The following ZNF384 variants were observed in gnomAD, a reference collection of about 807,000 sequenced individuals.
ZNF384 encodes the protein CAG repeat protein 1.
Under a neutral mutation model 65.0 loss-of-function variants are expected in ZNF384, and 20 were observed. That is an observed-to-expected ratio of 0.31 (90% CI 0.22 to 0.45). The LOEUF (loss-of-function observed/expected upper bound fraction) is 0.45, where lower values mean the gene tolerates loss of function less well. Among genes scored for constraint, ZNF384 ranks in the 20% least tolerant of loss-of-function variants. The pLI, the probability that ZNF384 is intolerant of heterozygous loss-of-function variation, is 1.00. For synonymous variants in ZNF384, 310 were observed against 303.9 expected (o/e 1.02, Z -0.21); for missense variants, 549 against 769.4 (o/e 0.71, Z 3.39).
rs748707496 is a variant in ZNF384, at chr12:6,666,945, A to G, written c.*769T>C. 39 of 208,912 alleles carry G rather than the reference A, an allele frequency of 1.9e-4. 1 individual carries two copies. Among genetic ancestry groups the G allele is most frequent in the Admixed American group, 4.7e-4 (8 of 16,936 alleles). 12.9% of individuals were successfully genotyped at this position (208,912 alleles called of 1,614,324 possible). A position where few individuals can be genotyped will look rare whatever the true frequency, so the allele number is the denominator to read the frequency against. On this transcript the variant is annotated 3_prime_UTR_variant, in exon 12 of 12. Coordinates refer to ENST00000683879, the MANE Select transcript of ZNF384 (RefSeq NM_001385745.1). ...ACCCCTGTTTTGGAGTTTCACAGATAACACAAAGCCTCCCACAGCTCCTTG... is the reference window on the plus strand; with the variant it reads ...ACCCCTGTTTTGGAGTTTCACAGATGACACAAAGCCTCCCACAGCTCCTTG...
chr12:6,679,285 G>A, intron 3 of ZNF384, 102 bp from the exon 4 acceptor site: 1 of 1,265,160 alleles, frequency 7.9e-7, no homozygotes. Context: ...TAGGGATCAA[G>A]GATGAGCACT....
chr12:6,686,923 G>GA (rs1267611565), intron 2 of ZNF384, among the ~76,000 whole-genome samples: 1 of 151,994 alleles, frequency 6.6e-6, no homozygotes, highest in East Asian at 1.9e-4. Flanking sequence ...GAAAAAGATG[G>GA]AAAAAAACAA....
chr12:6,678,146 T>C lies in ZNF384; in HGVS notation c.667A>G (p.Lys223Glu). 6.2e-7 allele frequency: 1 copy of C among 1,612,734 alleles called. No individual in the cohort carries two copies. The highest frequency in any genetic ancestry group is 8.5e-7 in the Non-Finnish European group (1 of 1,178,900). ...TCTTACCTGTAGGTCTTGCCGTCTT[T>C]CTGATGGTCATCATCATCCTCAGGG... The part of the protein sequence containing the change: ...LSPEDDDDHQ[K>E]DGKTYRSEGN... Residue 223 changes from lysine (K) to glutamate (E), a missense_variant, in exon 6 of 12, where the codon AAA (lysine) becomes GAA (glutamate). By Grantham distance (56) the Lys-to-Glu change is moderately conservative. Transcript: ENST00000683879. This position sits in a 1 kb window ranked among gnomAD's most constrained non-coding sequence, Gnocchi z 4.9.
intron 10 of ZNF384, 62 bp downstream of exon 10, chr12:6,670,698 A>G (rs1344754040): frequency 1.3e-5 from 20 of 1,485,530 alleles, no homozygotes; most frequent in Non-Finnish European, 1.8e-5. Context: ...GAGAACCACG[A>G]TACTATTCAA....
intron 2 of ZNF384, among the ~76,000 whole-genome samples, chr12:6,687,899 G>A (rs550489345): frequency 3.4e-4 from 51 of 152,230 alleles, no homozygotes; most frequent in African/African-American, 1.2e-3. Flanking sequence ...CTATTCAGTG[G>A]CTTCACCTGA....
chr12:6,677,100 C>T (rs1953939054), intron 7 of ZNF384, 67 bp downstream of exon 7: 2 of 431,086 alleles, frequency 4.6e-6, no homozygotes, highest in South Asian at 1.8e-5. Flanking sequence ...AAACGGGAGG[C>T]ATAAACAGAA....
chr12:6,687,812 A>C (rs956754679), intron 2 of ZNF384, among the ~76,000 whole-genome samples: 5 of 152,176 alleles, frequency 3.3e-5, no homozygotes, highest in African/African-American at 1.2e-4. Context: ...AAGCAATTCC[A>C]TAAGGACTAT....
chr12:6,676,655 C>T (rs186735052), intron 7 of ZNF384, among the ~76,000 whole-genome samples: 3 of 152,276 alleles, frequency 2.0e-5, no homozygotes, highest in Non-Finnish European at 4.4e-5. Flanking sequence ...GATGTATCTC[C>T]ATCTCACAAT....
At chr12:6,686,764 AAG>A (rs1425827979) in intron 2 of ZNF384, among the ~76,000 whole-genome samples, 3 of 152,242 alleles carry the variant, frequency 2.0e-5, no homozygotes, top group African/African-American at 7.2e-5. Flanking sequence ...TCCTGAAAAG[AAG>A]AGTTACAGAA....
At chr12:6,682,988 A>G (rs1028366063) in intron 2 of ZNF384, among the ~76,000 whole-genome samples, 12 of 152,192 alleles carry the variant, frequency 7.9e-5, no homozygotes, top group Non-Finnish European at 1.8e-4. Flanking sequence ...GTGGGAATTA[A>G]GTAGAGAATT....
In ZNF384 at chr12:6,673,736, A is replaced by G. The variant is rs890598703; in HGVS notation, c.780-296T>C. 6.6e-6 allele frequency among the ~76,000 whole-genome samples: 1 copy of G among 152,216 alleles called. No homozygotes were observed. Among genetic ancestry groups the G allele is most frequent in the Non-Finnish European group, 1.5e-5 (1 of 68,034 alleles). ...GGGCAGATGCGAATTTCAATGGGCC[A>G]GGAATATCAGTTAACTTGTTTGCCT... On this transcript the variant is annotated intron_variant, in intron 7 of 11. Coordinates refer to ENST00000683879, the MANE Select transcript of ZNF384 (RefSeq NM_001385745.1). This position sits in a 1 kb window ranked among gnomAD's most constrained non-coding sequence, Gnocchi z 4.7.
chr12:6,666,791 G>A lies in ZNF384; in HGVS notation c.*923C>T, dbSNP rs189431465. The A allele has an allele frequency of 1.2e-4, 20 of 171,738 alleles. No individual in the cohort carries two copies. The highest frequency in any genetic ancestry group is 2.0e-4 in the South Asian group (1 of 4,974). The allele number at this position is 171,738 out of a possible 1,614,324, so 10.6% of individuals were successfully genotyped here. Reference sequence around the variant, plus strand: ...AGAAATGGTTACAACAAAGATGGCCGTGATGAGTGAGTATAATATATTTAT... The same window carrying A: ...AGAAATGGTTACAACAAAGATGGCCATGATGAGTGAGTATAATATATTTAT... On this transcript the variant is annotated 3_prime_UTR_variant, in exon 12 of 12. Transcript: ENST00000683879.
chr12:6,677,802 G>C (rs74057082), intron 6 of ZNF384, among the ~76,000 whole-genome samples: 3,039 of 152,206 alleles, frequency 0.02, 119 homozygotes, highest in African/African-American at 0.07. Context: ...AAAGCAAAAA[G>C]GAGCTGCAGC....
chr12:6,684,030 G>T (rs1198569688), intron 2 of ZNF384, among the ~76,000 whole-genome samples: 1 of 151,878 alleles, frequency 6.6e-6, no homozygotes, highest in Non-Finnish European at 1.5e-5. Flanking sequence ...AAAAAAAACT[G>T]GTGGACAATA....
Position 6,678,726 on chromosome 12 carries a change from G to A in ZNF384, c.305-16C>T. On this transcript the variant is annotated splice_polypyrimidine_tract_variant and intron_variant, in intron 4 of 11. Coordinates refer to ENST00000683879, the MANE Select transcript of ZNF384 (RefSeq NM_001385745.1). This position sits in a 1 kb window ranked among gnomAD's most constrained non-coding sequence, Gnocchi z 4.9. ...CAGGAGACTCCTTGATTCAGAGAAG[G>A]AAAGAATGTCACCTCCTCAAAGGCA... 6.2e-7 allele frequency: 1 copy of A among 1,613,820 alleles called. No homozygotes were observed. The highest frequency in any genetic ancestry group is 8.5e-7 in the Non-Finnish European group (1 of 1,179,848).
chr12:6,679,139 C>T lies in ZNF384; in HGVS notation c.111G>A (p.Leu37=), dbSNP rs202146244. Residue 37 remains leucine, a synonymous_variant, in exon 4 of 12, where the codon TTG becomes TTA. Transcript: ENST00000683879. ...GGGCCAGACCACAGCCCTTCTCTGG[C>T]AACAGCTGATCCTTCATCTTGTTGA... The part of the protein sequence containing the change: ...MFINKMKDQL[L]PEKGCGLAPP... The T allele has an allele frequency of 2.7e-5, 44 of 1,604,842 alleles. No homozygotes were observed. Among genetic ancestry groups the T allele is most frequent in the Non-Finnish European group, 3.6e-5 (42 of 1,174,322 alleles).
chr12:6,668,505 C>G (rs1038719478), intron 11 of ZNF384, among the ~76,000 whole-genome samples: 1 of 151,950 alleles, frequency 6.6e-6, no homozygotes, highest in African/African-American at 2.4e-5. Flanking sequence ...GAGTTTGAGA[C>G]CAGCCTGGGC....
intron 10 of ZNF384, 30 bp from the exon 11 acceptor site, chr12:6,669,219 T>C (rs776864868): frequency 7.6e-6 from 12 of 1,582,252 alleles, no homozygotes; most frequent in Middle Eastern, 1.7e-4. Context: ...CCAGAATGAA[T>C]ACATTGTACT....
At position 6,667,957 on chromosome 12, in the gene ZNF384, G is replaced by A. The variant is rs1156799215; in HGVS notation, c.1584C>T (p.Ser528=). Residue 528 remains serine, a synonymous_variant, in exon 12 of 12, where the codon TCC becomes TCT. Coordinates refer to ENST00000683879, the MANE Select transcript of ZNF384 (RefSeq NM_001385745.1). Reference sequence around the variant, plus strand: ...GCTGCTGCTGCTGCTGTGATGCCTGGGAGGCCTGGGCCTGGGCCTGGGCTT... The same window carrying A: ...GCTGCTGCTGCTGCTGTGATGCCTGAGAGGCCTGGGCCTGGGCCTGGGCTT... ...QAQAQAQAQA[S]QASQQQQQQQ... The A allele has an allele frequency of 5.0e-6, 8 of 1,612,122 alleles. No individual in the cohort carries two copies. The Middle Eastern group carries it at 6.6e-4, about 133-fold the overall frequency.
Sources: gnomAD v4.1 joint callset for allele counts (sites outside exome capture counted in the v4.1 genomes callset) on GRCh38, gnomAD v4.1.1 for gene constraint, Gnocchi (gnomAD v3.1) non-coding constraint, MANE v1.5 for transcripts, NCBI Gene and HGNC (gene_info 2026-07-23, HGNC 2026-07-21) for gene names.